The following LYPD6B variants were observed in gnomAD, a reference collection of about 807,000 sequenced individuals.
LYPD6B encodes LY6/PLAUR domain containing 6B, also known as ly6/PLAUR domain-containing protein 6B.
LYPD6B carries 17 observed loss-of-function variants against 22.8 expected under a neutral mutation model. That is an observed-to-expected ratio of 0.75 (90% CI 0.51 to 1.12). The LOEUF (loss-of-function observed/expected upper bound fraction) is 1.12, where lower values mean the gene tolerates loss of function less well. Ranked by LOEUF, LYPD6B falls within the 50% of genes most tolerant of loss-of-function variation. The pLI is 0.00. For synonymous variants in LYPD6B, 106 were observed against 91.6 expected (o/e 1.16, Z -0.90); for missense variants, 221 against 258.3 (o/e 0.86, Z 0.99).
chr2:149,173,220 T>C lies in LYPD6B; in HGVS notation c.77+12385T>C, dbSNP rs557806850. On this transcript the variant is annotated intron_variant, in intron 3 of 6. Transcript: ENST00000409642. ...AAGACATGGTGTTTGTAATTACTTA[T>C]AATTCATATAGACGAATTGCTAACT... Among the ~76,000 whole-genome samples the C allele has an allele frequency of 2.0e-5, 3 of 152,136 alleles. No individual in the cohort carries two copies. The East Asian group carries it at 5.8e-4, about 29-fold the overall frequency.
intron 1 of LYPD6B, among the ~76,000 whole-genome samples, chr2:149,051,376 AG>A (rs1194935071): frequency 6.6e-6 from 1 of 151,838 alleles, no homozygotes; most frequent in Non-Finnish European, 1.5e-5. Context: ...CACGTTAGCC[AG>A]GATGGTCTCG....
intron 1 of LYPD6B, among the ~76,000 whole-genome samples, chr2:149,080,867 AC>A (rs66901434): frequency 0.015 from 1,648 of 108,650 alleles, 180 homozygotes; most frequent in African/African-American, 0.057. Flanking sequence ...AAAAAAAAAA[AC>A]CACACAAAAA....
At chr2:149,049,289 C>T (rs1683443534) in intron 1 of LYPD6B, among the ~76,000 whole-genome samples, 1 of 152,206 alleles carries the variant, frequency 6.6e-6, no homozygotes, top group Non-Finnish European at 1.5e-5. Flanking sequence ...TTGTGTAACT[C>T]ACTACCTTGC....
At chr2:149,165,353 A>G (rs1026816363) in intron 3 of LYPD6B, among the ~76,000 whole-genome samples, 2 of 152,196 alleles carry the variant, frequency 1.3e-5, no homozygotes, top group African/African-American at 2.4e-5. Flanking sequence ...CAAAGAATGC[A>G]TGGCCATTTT....
At chr2:149,189,881 A>G (rs1692383672) in intron 3 of LYPD6B, among the ~76,000 whole-genome samples, 1 of 152,208 alleles carries the variant, frequency 6.6e-6, no homozygotes, top group Non-Finnish European at 1.5e-5. Context: ...GCTATTTTGT[A>G]CCATCTGCTG....
At chr2:149,168,840 A>G (rs762143249) in intron 3 of LYPD6B, among the ~76,000 whole-genome samples, 6 of 152,162 alleles carry the variant, frequency 3.9e-5, no homozygotes, top group Non-Finnish European at 8.8e-5. Context: ...TGTGTGGTCA[A>G]GTCTTTGTAA....
chr2:149,208,437 T>A, intron 5 of LYPD6B, 25 bp downstream of exon 5: 1 of 1,518,160 alleles, frequency 6.6e-7, no homozygotes, highest in Non-Finnish European at 9.1e-7. Flanking sequence ...TTTGGAAGAC[T>A]TCTGTGATCT....
At chr2:149,041,098 CAA>C (rs552623435) in intron 1 of LYPD6B, among the ~76,000 whole-genome samples, 197 of 110,726 alleles carry the variant, frequency 1.8e-3, no homozygotes, top group Middle Eastern at 4.5e-3. Flanking sequence ...GACTCCGTCT[CAA>C]AAAAAAAAAA....
At chr2:149,141,965 A>G (rs759192032) in intron 2 of LYPD6B, 9 of 152,180 alleles carry the variant, frequency 5.9e-5, no homozygotes, top group Non-Finnish European at 1.2e-4. Context: ...GCTGCTGGAG[A>G]GAAAATAGTA....
Position 149,105,240 on chromosome 2 carries a change from G to A in LYPD6B, c.-66-25643G>A, listed in dbSNP as rs1686416073. The stretch of plus-strand genomic sequence containing the variant: ...TGCCACCCTTGTCTTGATTACTGCA[G>A]CTATGTGATAAGTCTTAAAATCAAG... On this transcript the variant is annotated intron_variant, in intron 1 of 6. Transcript: ENST00000409642. 2.0e-5 allele frequency among the ~76,000 whole-genome samples: 3 copies of A among 152,198 alleles called. No individual in the cohort carries two copies. The South Asian group carries it at 6.2e-4, about 32-fold the overall frequency.
chr2:149,165,126 A>G (rs752428217), intron 3 of LYPD6B, among the ~76,000 whole-genome samples: 12 of 152,226 alleles, frequency 7.9e-5, no homozygotes, highest in African/African-American at 1.2e-4. Context: ...TTTCTGCCAC[A>G]TGGTCTGCCC....
intron 1 of LYPD6B, among the ~76,000 whole-genome samples, chr2:149,120,983 G>A (rs147983044): frequency 6.6e-6 from 1 of 151,498 alleles, no homozygotes; most frequent in Non-Finnish European, 1.5e-5. Flanking sequence ...GTAGAGACAG[G>A]GTTTCACCAT....
chr2:149,078,529 A>G (rs753445230), intron 1 of LYPD6B, among the ~76,000 whole-genome samples: 16 of 152,180 alleles, frequency 1.1e-4, no homozygotes, highest in South Asian at 6.2e-4. Context: ...ACAAGGGGAA[A>G]CACTCTTCCA....
At chr2:149,103,846 A>G (rs9784099) in intron 1 of LYPD6B, among the ~76,000 whole-genome samples, 53,312 of 140,516 alleles carry the variant, frequency 0.38, 10,191 homozygotes, top group Admixed American at 0.4. Context: ...GCATGATCTC[A>G]GATCACCGCA....
chr2:149,098,639 A>AAAAAAAAAAAAAAG (rs1686027080), intron 1 of LYPD6B, among the ~76,000 whole-genome samples: 3 of 93,348 alleles, frequency 3.2e-5, no homozygotes, highest in African/African-American at 4.3e-5. Context: ...AAAAAAAAAA[A>AAAAAAAAAAAAAAG]AAAAAAAAAA....
In LYPD6B at chr2:149,058,835, G is replaced by C. The variant is rs528766524; in HGVS notation, c.-67+20034G>C. Among the ~76,000 whole-genome samples, 242 of 152,332 alleles carry C rather than the reference G, an allele frequency of 1.6e-3. 1 individual carries two copies. The highest frequency in any genetic ancestry group is 2.7e-3 in the Non-Finnish European group (182 of 68,044). ...GGGTTTCAGCATGTTGGCCAGGCTG[G>C]TCTTGAACTCCTAACCTCAGGTGAT... On this transcript the variant is annotated intron_variant, in intron 1 of 6. Coordinates refer to ENST00000409642, the MANE Select transcript of LYPD6B (RefSeq NM_177964.5).
At chr2:149,171,372 CAT>C (rs140945580) in intron 3 of LYPD6B, among the ~76,000 whole-genome samples, 15,191 of 151,942 alleles carry the variant, frequency 0.1, 882 homozygotes, top group Non-Finnish European at 0.11. Flanking sequence ...AAACAAATAA[CAT>C]ATTTTATTAC....
At chr2:149,079,633 T>C (rs914178725) in intron 1 of LYPD6B, among the ~76,000 whole-genome samples, 1 of 152,182 alleles carries the variant, frequency 6.6e-6, no homozygotes, top group Non-Finnish European at 1.5e-5. Context: ...CTTGCCTCAT[T>C]TTCAGTAACT....
At chr2:149,054,685 G>C (rs1272752262) in intron 1 of LYPD6B, among the ~76,000 whole-genome samples, 2 of 152,088 alleles carry the variant, frequency 1.3e-5, no homozygotes, top group Non-Finnish European at 2.9e-5. Flanking sequence ...AGACCAGCTT[G>C]GGCAATGCAG....
Sources: allele counts gnomAD v4.1 joint callset (sites outside exome capture counted in the v4.1 genomes callset), GRCh38; gene constraint gnomAD v4.1.1; transcripts MANE v1.5; gene names NCBI Gene and HGNC (gene_info 2026-07-23, HGNC 2026-07-21).